Variants in PDLIM5 observed in about 807,000 individuals in gnomAD.
The protein encoded by PDLIM5 is PDZ and LIM domain protein 5.
In PDLIM5, 34 loss-of-function variants were observed where a neutral mutation model predicts 64.2. The observed-to-expected ratio is 0.53, with a 90% CI of 0.40 to 0.71. The LOEUF is 0.71. PDLIM5 is among the 30% of genes least tolerant of loss of function. The pLI is 0.00. For missense variants in PDLIM5, 683 were observed against 733.6 expected (o/e 0.93, Z 0.80); for synonymous variants, 253 against 269.1 (o/e 0.94, Z 0.59).
chr4:94,581,057 A>G (rs1402578429), intron 5 of PDLIM5, among the ~76,000 whole-genome samples: 2 of 152,260 alleles, frequency 1.3e-5, no homozygotes, highest in East Asian at 3.9e-4. Flanking sequence ...AGTCTGAAAG[A>G]CAGAGAAATT....
At chr4:94,581,828 T>G (rs1030963897) in intron 5 of PDLIM5, among the ~76,000 whole-genome samples, 2 of 152,226 alleles carry the variant, frequency 1.3e-5, no homozygotes, top group Non-Finnish European at 2.9e-5. Flanking sequence ...CTGCACTTAA[T>G]AGGCTATGTG....
In PDLIM5 at chr4:94,665,693, T is replaced by C. The variant is rs894067103; in HGVS notation, c.*1626T>C. The C allele has an allele frequency of 9.9e-6, 11 of 1,106,774 alleles. No homozygotes were observed. The African/African-American group carries it at 1.8e-4, about 18-fold the overall frequency. The allele number at this position is 1,106,774 out of a possible 1,614,324, so 68.6% of individuals were successfully genotyped here. A position where few individuals can be genotyped will look rare whatever the true frequency, so the allele number is the denominator to read the frequency against. Reference sequence around the variant, plus strand: ...AGAATGATCTTTTTGTTTCGTTTTGTTTCTTCTTCTGCATTTAAAAATTAA... The same window carrying C: ...AGAATGATCTTTTTGTTTCGTTTTGCTTCTTCTTCTGCATTTAAAAATTAA... On this transcript the variant is annotated 3_prime_UTR_variant, in exon 13 of 13. Transcript: ENST00000317968.
chr4:94,489,607 C>A, intron 2 of PDLIM5, among the ~76,000 whole-genome samples: 1 of 151,460 alleles, frequency 6.6e-6, no homozygotes, highest in African/African-American at 2.4e-5. Context: ...GATATTTATA[C>A]AATATTAAAA....
intron 3 of PDLIM5, among the ~76,000 whole-genome samples, chr4:94,562,979 A>G (rs918733920): frequency 6.6e-5 from 10 of 152,198 alleles, no homozygotes; most frequent in African/African-American, 1.7e-4. Flanking sequence ...AACAAAATCC[A>G]TTAAATTATC....
chr4:94,518,906 C>T (rs971367472), intron 2 of PDLIM5, among the ~76,000 whole-genome samples: 12 of 151,986 alleles, frequency 7.9e-5, no homozygotes, highest in African/African-American at 2.9e-4. Flanking sequence ...TCTTTTATTC[C>T]TGTCCTTCTC....
chr4:94,610,299 A>C, intron 7 of PDLIM5: 1 of 1,511,400 alleles, frequency 6.6e-7, no homozygotes, highest in Non-Finnish European at 8.8e-7. Context: ...TTGCTACAAA[A>C]ACCAGGTAGA....
chr4:94,542,636 T>C (rs1213853244), intron 3 of PDLIM5, among the ~76,000 whole-genome samples: 2 of 152,158 alleles, frequency 1.3e-5, no homozygotes, highest in African/African-American at 4.8e-5. Context: ...GTGTATACTG[T>C]CCTACACAAG....
chr4:94,603,307 CA>C (rs1737643224), intron 7 of PDLIM5, among the ~76,000 whole-genome samples: 2 of 152,212 alleles, frequency 1.3e-5, no homozygotes, highest in Admixed American at 6.5e-5. Context: ...CCAGAAAACA[CA>C]GGGGCTGGAA....
chr4:94,489,914 CT>C (rs546210555), intron 2 of PDLIM5, among the ~76,000 whole-genome samples: 85 of 151,850 alleles, frequency 5.6e-4, no homozygotes, highest in Non-Finnish European at 3.4e-4. Flanking sequence ...CTGCAGCTTT[CT>C]TTTTTTTCTT....
intron 3 of PDLIM5, among the ~76,000 whole-genome samples, chr4:94,539,409 A>C (rs1230723191): frequency 6.6e-6 from 1 of 152,140 alleles, no homozygotes; most frequent in Non-Finnish European, 1.5e-5. Context: ...GGGGCCACAG[A>C]GGCCATGATA....
intron 3 of PDLIM5, among the ~76,000 whole-genome samples, chr4:94,528,485 C>T (rs2110148596): frequency 6.6e-6 from 1 of 152,240 alleles, no homozygotes; most frequent in Admixed American, 6.5e-5. Flanking sequence ...TCCAAGAAGA[C>T]TCTTTAAGAG....
chr4:94,487,362 C>A (rs915575253), intron 2 of PDLIM5, among the ~76,000 whole-genome samples: 13 of 152,160 alleles, frequency 8.5e-5, no homozygotes, highest in Non-Finnish European at 1.9e-4. Context: ...GAGAAAAAAG[C>A]ATAATTTCAA....
intron 8 of PDLIM5, among the ~76,000 whole-genome samples, chr4:94,620,650 A>G (rs1381778669): frequency 1.3e-5 from 2 of 152,072 alleles, no homozygotes; most frequent in Non-Finnish European, 2.9e-5. Context: ...TATTTTTCAC[A>G]GTGTTTAAAT....
intron 3 of PDLIM5, among the ~76,000 whole-genome samples, chr4:94,556,728 C>T (rs896987856): frequency 6.6e-6 from 1 of 152,284 alleles, no homozygotes; most frequent in African/African-American, 2.4e-5. Flanking sequence ...TGCTCATATC[C>T]TTCACCCACT....
intron 1 of PDLIM5, among the ~76,000 whole-genome samples, chr4:94,453,496 C>T (rs151079849): frequency 1.3e-5 from 2 of 152,248 alleles, no homozygotes; most frequent in East Asian, 1.9e-4. Context: ...GTTGCAAGTA[C>T]ATGGGTTGAT....
At chr4:94,639,142 C>T (rs1306334580) in intron 8 of PDLIM5, among the ~76,000 whole-genome samples, 3 of 152,024 alleles carry the variant, frequency 2.0e-5, no homozygotes, top group Admixed American at 1.3e-4. Flanking sequence ...ATGGCATTAC[C>T]GATGGTGAAA....
chr4:94,467,295 A>G (rs896906289), intron 2 of PDLIM5, among the ~76,000 whole-genome samples: 2 of 151,896 alleles, frequency 1.3e-5, no homozygotes, highest in Admixed American at 6.6e-5. Flanking sequence ...TACCTGATTG[A>G]TAGAATTAAC....
intron 2 of PDLIM5, among the ~76,000 whole-genome samples, chr4:94,510,391 C>G (rs1560666058): frequency 6.6e-6 from 1 of 152,056 alleles, no homozygotes; most frequent in African/African-American, 2.4e-5. Flanking sequence ...TTGATGACAT[C>G]CTAGATTTTT....
chr4:94,610,105 A>T, intron 7 of PDLIM5: 1 of 987,336 alleles, frequency 1.0e-6, no homozygotes, highest in Non-Finnish European at 1.5e-6. Context: ...TTATTATGCT[A>T]CCCTTTCTCA....
Sources: gnomAD v4.1 joint callset for allele counts (sites outside exome capture counted in the v4.1 genomes callset) on GRCh38, gnomAD v4.1.1 for gene constraint, MANE v1.5 for transcripts, NCBI Gene and HGNC (gene_info 2026-07-23, HGNC 2026-07-21) for gene names.